ETFDH: variants seen among roughly 807,000 people sequenced by gnomAD.
The protein encoded by ETFDH is electron transfer flavoprotein-ubiquinone oxidoreductase, mitochondrial.
Under a neutral mutation model 73.2 loss-of-function variants are expected in ETFDH, and 61 were observed. That is an observed-to-expected ratio of 0.83 (90% CI 0.68 to 1.03). The LOEUF (loss-of-function observed/expected upper bound fraction) is 1.03, where lower values mean the gene tolerates loss of function less well. Among genes scored for constraint, ETFDH ranks in the 50% least tolerant of loss-of-function variants. The probability of loss-of-function intolerance (pLI) is 0.00; values close to 1 mark genes in which losing one functional copy is unlikely to be tolerated. For missense variants in ETFDH, 685 were observed against 745.0 expected (o/e 0.92, Z 0.94); for synonymous variants, 243 against 253.3 (o/e 0.96, Z 0.39).
Position 158,698,344 on chromosome 4 carries a change from A to G in ETFDH, c.973-643A>G, listed in dbSNP as rs570018072. ...TGTTACTGGTGTTTTTTGACCCCCC[A>G]GTCCAATGTTCATCCCATCACCTTT... On this transcript the variant is annotated intron_variant, in intron 8 of 12. Transcript: ENST00000511912. 9.8e-5 allele frequency among the ~76,000 whole-genome samples: 15 copies of G among 152,300 alleles called. No homozygotes were observed. In the South Asian group the frequency reaches 1.0e-3, roughly 11 times the overall value.
chr4:158,703,540 G>T lies in ETFDH; in HGVS notation c.1234G>T (p.Glu412Ter), dbSNP rs398124151. The change falls in exon 10 of 13, where the codon GAA becomes TAA. Residue 412 changes from glutamate (E) to a stop codon, truncating the protein, a stop_gained. Coordinates refer to ENST00000511912, the MANE Select transcript of ETFDH (RefSeq NM_004453.4). LOFTEE classifies it high-confidence loss of function. ...AATGAAAAGTGGAATTTTAGCAGCA[G>T]AATCTATTTTTAATCAACTAACTAG... Reference protein sequence around the residue: ...TAMKSGILAAESIFNQLTSEN... With the variant: ...TAMKSGILAA The T allele has an allele frequency of 4.5e-5, 72 of 1,609,352 alleles. No individual in the cohort carries two copies. The highest frequency in any genetic ancestry group is 6.0e-5 in the Non-Finnish European group (71 of 1,175,912).
Position 158,672,372 on chromosome 4 carries a change from C to CCCGCGGCCTAGAGGTCCAGCGCCCG in ETFDH, c.-79_-55dup. ...TGCTTTCCGGCAGGTGATGGCGCCC[C>CCCGCGGCCTAGAGGTCCAGCGCCCG]CCGCGGCCTAGAGGTCCAGCGCCCG... On this transcript the variant is annotated 5_prime_UTR_variant, in exon 1 of 13. Transcript: ENST00000511912. 7 of 1,439,008 alleles carry CCCGCGGCCTAGAGGTCCAGCGCCCG rather than the reference C, an allele frequency of 4.9e-6. No individual in the cohort carries two copies. In the South Asian group the frequency reaches 8.0e-5, roughly 16 times the overall value. The allele number at this position is 1,439,008 out of a possible 1,614,324, so 89.1% of individuals were successfully genotyped here. A position where few individuals can be genotyped will look rare whatever the true frequency, so the allele number is the denominator to read the frequency against.
intron 9 of ETFDH, among the ~76,000 whole-genome samples, chr4:158,700,113 A>G (rs571319649): frequency 6.6e-6 from 1 of 152,310 alleles, no homozygotes; most frequent in South Asian, 2.1e-4. Context: ...TATAAAAGTA[A>G]CAGATAATAG....
At chr4:158,699,259 CTG>C in intron 9 of ETFDH, 129 bp downstream of exon 9, 1 of 817,260 alleles carries the variant, frequency 1.2e-6, no homozygotes, top group Non-Finnish European at 2.1e-6. Context: ...GTTTATAAAA[CTG>C]TGTCACACAA....
At position 158,677,378 on chromosome 4, in the gene ETFDH, G is replaced by A. The variant is rs138746401; in HGVS notation, c.35-3089G>A. On this transcript the variant is annotated intron_variant, in intron 1 of 12. Transcript: ENST00000511912. ...AAGGCAGGACATCTCAAAAGTTCAC[G>A]AATTTGTGTTGGGCCACATTTAAAG... 6.2e-3 allele frequency among the ~76,000 whole-genome samples: 940 copies of A among 152,314 alleles called. 7 individuals are homozygous for A. Among genetic ancestry groups the A allele is most frequent in the African/African-American group, 0.021 (865 of 41,562 alleles).
At position 158,708,405 on chromosome 4, in the gene ETFDH, C is replaced by A; in HGVS notation, c.1732C>A (p.Arg578=). ...ACCTGTGGAACAAGGTGATGGATTT[C>A]GGTTACAGATAAATGCTCAGAACTG... ...FVPVEQGDGF[R]LQINAQNCVH... The change falls in exon 13 of 13, where the codon CGG becomes AGG. Residue 578 remains arginine (R), a synonymous_variant. Transcript: ENST00000511912. 5.0e-6 allele frequency: 8 copies of A among 1,611,750 alleles called. No individual in the cohort carries two copies. Among genetic ancestry groups the A allele is most frequent in the Non-Finnish European group, 6.8e-6 (8 of 1,178,000 alleles).
chr4:158,680,601 T>A lies in ETFDH; in HGVS notation c.169T>A (p.Trp57Arg). 6.2e-7 allele frequency: 1 copy of A among 1,610,248 alleles called. No homozygotes were observed. Among genetic ancestry groups the A allele is most frequent in the Non-Finnish European group, 8.5e-7 (1 of 1,176,578 alleles). The change falls in exon 2 of 13, where the codon TGG becomes AGG. Residue 57 changes from tryptophan to arginine, a missense_variant. Around this residue, in one of 3 missense-constraint regions of ETFDH, gnomAD observed 405 missense variants for 399.3 expected, o/e 1.01. Transcript: ENST00000511912. ...TIYPRDKDKR[W>R]EGVNMERFAE... ...TTATCCCCGGGATAAGGACAAGAGA[T>A]GGGAAGGTAAGTAATAATTTGTGTA...
intron 7 of ETFDH, among the ~76,000 whole-genome samples, chr4:158,697,296 T>C (rs1227522401): frequency 6.6e-6 from 1 of 152,142 alleles, no homozygotes; most frequent in East Asian, 1.9e-4. Context: ...GGTTTTACCA[T>C]GTTGGCCAGG....
rs28592256 is a variant in ETFDH, at chr4:158,696,895, C to T, written c.832-664C>T. Among the ~76,000 whole-genome samples, 408 of 152,186 alleles carry T rather than the reference C, an allele frequency of 2.7e-3. 1 individual carries two copies. The highest frequency in any genetic ancestry group is 9.5e-3 in the African/African-American group (394 of 41,526). ...TGAAGATAGAGAACACTACCAGTAC[C>T]GCAGAACTTTCCCTCAGCCTTTCAG... On this transcript the variant is annotated intron_variant, in intron 7 of 12. Coordinates refer to ENST00000511912, the MANE Select transcript of ETFDH (RefSeq NM_004453.4).
rs147697218 is a variant in ETFDH, at chr4:158,697,430, A to G, written c.832-129A>G. 16 of 793,362 alleles carry G rather than the reference A, an allele frequency of 2.0e-5. No individual in the cohort carries two copies. In the Admixed American group the frequency reaches 3.7e-4, roughly 18 times the overall value. 49.1% of individuals were successfully genotyped at this position (793,362 alleles called of 1,614,324 possible). A position where few individuals can be genotyped will look rare whatever the true frequency, so the allele number is the denominator to read the frequency against. ...TTTGAAGTAATTTTGTTGTATTCTT[A>G]TATCACAGTTTTTCACTTGTAATTT... On this transcript the variant is annotated intron_variant, in intron 7 of 12. Transcript: ENST00000511912.
chr4:158,703,542 A>G lies in ETFDH; in HGVS notation c.1236A>G (p.Glu412=), dbSNP rs1774522634. The G allele has an allele frequency of 6.2e-7, 1 of 1,609,100 alleles. No homozygotes were observed. The highest frequency in any genetic ancestry group is 2.2e-5 in the East Asian group (1 of 44,786). ...TAMKSGILAA[E]SIFNQLTSEN... is the part of the protein sequence containing the mutation. ...TGAAAAGTGGAATTTTAGCAGCAGA[A>G]TCTATTTTTAATCAACTAACTAGTG... Residue 412 remains glutamate, a synonymous_variant, in exon 10 of 13, where the codon GAA becomes GAG. Transcript: ENST00000511912.
intron 11 of ETFDH, 71 bp downstream of exon 11, chr4:158,706,442 G>A (rs541958209): frequency 1.1e-5 from 14 of 1,311,382 alleles, no homozygotes; most frequent in Non-Finnish European, 1.4e-5. Context: ...ATTAGAGAAA[G>A]TGATTGTTTT....
chr4:158,688,462 G>A (rs1774068680), intron 5 of ETFDH, among the ~76,000 whole-genome samples: 1 of 150,190 alleles, frequency 6.7e-6, no homozygotes, highest in Non-Finnish European at 1.5e-5. Flanking sequence ...GAGGTGGGCG[G>A]ATCACGAGGT....
At chr4:158,693,763 T>C (rs1449907237) in intron 6 of ETFDH, among the ~76,000 whole-genome samples, 2 of 152,194 alleles carry the variant, frequency 1.3e-5, no homozygotes, top group Non-Finnish European at 2.9e-5. Flanking sequence ...TTTAACTTAA[T>C]ATATAAAAGT....
At chr4:158,689,441 TTTTC>T (rs1456304711) in intron 5 of ETFDH, among the ~76,000 whole-genome samples, 1 of 151,568 alleles carries the variant, frequency 6.6e-6, no homozygotes, top group African/African-American at 2.4e-5. Context: ...CTTGTATCAC[TTTTC>T]TTTTTCTCGG....
chr4:158,672,378 G>A lies in ETFDH; in HGVS notation c.-79G>A. On this transcript the variant is annotated 5_prime_UTR_variant, in exon 1 of 13. Coordinates refer to ENST00000511912, the MANE Select transcript of ETFDH (RefSeq NM_004453.4). ...CCGGCAGGTGATGGCGCCCCCCGCG[G>A]CCTAGAGGTCCAGCGCCCGCCGCGA... 6.7e-7 allele frequency: 1 copy of A among 1,494,586 alleles called. No homozygotes were observed. Among genetic ancestry groups the A allele is most frequent in the Non-Finnish European group, 9.3e-7 (1 of 1,071,790 alleles). 92.6% of individuals were successfully genotyped at this position (1,494,586 alleles called of 1,614,324 possible). A position where few individuals can be genotyped will look rare whatever the true frequency, so the allele number is the denominator to read the frequency against.
intron 5 of ETFDH, among the ~76,000 whole-genome samples, chr4:158,687,470 C>G (rs1051010384): frequency 6.6e-6 from 1 of 152,158 alleles, no homozygotes; most frequent in Non-Finnish European, 1.5e-5. Flanking sequence ...AGCCCCAGCA[C>G]TAGCTTAAAT....
intron 5 of ETFDH, among the ~76,000 whole-genome samples, chr4:158,688,534 G>A (rs959302042): frequency 7.2e-5 from 11 of 151,854 alleles, no homozygotes; most frequent in East Asian, 1.9e-4. Context: ...TTAGCTGGGC[G>A]TGGTGGTGGG....
intron 9 of ETFDH, among the ~76,000 whole-genome samples, chr4:158,702,665 A>G (rs1774495415): frequency 6.6e-6 from 1 of 152,210 alleles, no homozygotes; most frequent in Admixed American, 6.5e-5. Flanking sequence ...CCAGCTGAAT[A>G]GTATTCCATT....
Sources: gnomAD v4.1 joint callset for allele counts (sites outside exome capture counted in the v4.1 genomes callset) on GRCh38, gnomAD v4.1.1 for gene constraint, gnomAD v4.1.1 regional missense constraint, MANE v1.5 for transcripts, NCBI Gene and HGNC (gene_info 2026-07-23, HGNC 2026-07-21) for gene names.